CSMD1: variants seen among roughly 807,000 people sequenced by gnomAD.
CSMD1 encodes the protein CUB and sushi domain-containing protein 1.
Under a neutral mutation model 417.5 loss-of-function variants are expected in CSMD1, and 213 were observed. That is an observed-to-expected ratio of 0.51 (90% CI 0.46 to 0.57). The LOEUF is 0.57. Among genes scored for constraint, CSMD1 ranks in the 20% least tolerant of loss-of-function variants. The probability of loss-of-function intolerance (pLI) is 0.00; values close to 1 mark genes in which losing one functional copy is unlikely to be tolerated. For synonymous variants in CSMD1, 2,862 were observed against 1,736.8 expected (o/e 1.65, Z -16.11); for missense variants, 6,923 against 4,529.7 (o/e 1.53, Z -15.17).
chr8:4,104,866 A>T (rs1801488969), intron 3 of CSMD1, among the ~76,000 whole-genome samples: 1 of 152,184 alleles, frequency 6.6e-6, no homozygotes, highest in Non-Finnish European at 1.5e-5. Flanking sequence ...TTACATTTTT[A>T]GGTATTACTT....
At chr8:3,814,948 C>A (rs2929496) in intron 5 of CSMD1, among the ~76,000 whole-genome samples, 36,852 of 151,876 alleles carry the variant, frequency 0.24, 5,164 homozygotes, top group Non-Finnish European at 0.32. Context: ...TCAGCCATCC[C>A]AAAAAAATGA....
intron 3 of CSMD1, among the ~76,000 whole-genome samples, chr8:4,181,081 C>G (rs868070829): frequency 6.6e-6 from 1 of 152,028 alleles, no homozygotes; most frequent in East Asian, 1.9e-4. Flanking sequence ...GGACAACAGA[C>G]CTATTGAACA....
intron 3 of CSMD1, among the ~76,000 whole-genome samples, chr8:4,206,456 A>T (rs1799987844): frequency 6.6e-6 from 1 of 151,582 alleles, no homozygotes; most frequent in South Asian, 2.1e-4. Flanking sequence ...TGTCCTTGTG[A>T]TAGTTTGCTC....
chr8:4,292,594 A>G (rs925801825), intron 3 of CSMD1, among the ~76,000 whole-genome samples: 5 of 152,126 alleles, frequency 3.3e-5, no homozygotes, highest in South Asian at 4.1e-4. Flanking sequence ...ACAACCCACT[A>G]TAAGATTAAT....
At chr8:4,022,299 G>C (rs1393486900) in intron 4 of CSMD1, among the ~76,000 whole-genome samples, 1 of 151,732 alleles carries the variant, frequency 6.6e-6, no homozygotes, top group South Asian at 2.1e-4. Context: ...TTCAGACAAG[G>C]AAGAGAAGTA....
chr8:4,583,615 G>T (rs1428139182), intron 2 of CSMD1, among the ~76,000 whole-genome samples: 1 of 151,906 alleles, frequency 6.6e-6, no homozygotes, highest in African/African-American at 2.4e-5. Flanking sequence ...GTATCTAGCT[G>T]CTCTGGTGGG....
intron 1 of CSMD1, among the ~76,000 whole-genome samples, chr8:4,988,952 C>T (rs1811322224): frequency 6.6e-6 from 1 of 152,088 alleles, no homozygotes; most frequent in Admixed American, 6.5e-5. Flanking sequence ...CGTTACTTAC[C>T]AACCTCAGTA....
chr8:3,233,705 C>T (rs1798984528), intron 26 of CSMD1, among the ~76,000 whole-genome samples: 1 of 152,006 alleles, frequency 6.6e-6, no homozygotes, highest in Non-Finnish European at 1.5e-5. Flanking sequence ...TCCAATTTCT[C>T]ATGTAAACTA....
intron 2 of CSMD1, among the ~76,000 whole-genome samples, chr8:4,528,685 T>G (rs779292838): frequency 1.3e-5 from 2 of 152,166 alleles, no homozygotes; most frequent in Non-Finnish European, 2.9e-5. Context: ...CCACAAACTC[T>G]CCAATGTATA....
At chr8:3,376,541 T>C (rs564890424) in intron 18 of CSMD1, among the ~76,000 whole-genome samples, 32 of 152,226 alleles carry the variant, frequency 2.1e-4, no homozygotes, top group African/African-American at 7.2e-4. Flanking sequence ...AAATGTGCAG[T>C]TGAACTACTT....
At chr8:3,393,983 T>TACA (rs1563342098) in intron 17 of CSMD1, among the ~76,000 whole-genome samples, 1 of 11,964 alleles carries the variant, frequency 8.4e-5, no homozygotes, top group African/African-American at 2.3e-4. Flanking sequence ...GAACTTAACG[T>TACA]ATAATAATAA....
chr8:4,107,323 G>C (rs1171525532), intron 3 of CSMD1, among the ~76,000 whole-genome samples: 1 of 152,132 alleles, frequency 6.6e-6, no homozygotes, highest in East Asian at 1.9e-4. Flanking sequence ...AAATAGAGAG[G>C]ATTTCCATTC....
intron 5 of CSMD1, among the ~76,000 whole-genome samples, chr8:3,783,627 T>C (rs1799298500): frequency 6.6e-6 from 1 of 152,220 alleles, no homozygotes; most frequent in Non-Finnish European, 1.5e-5. Context: ...TGGATGCAGC[T>C]GGTTCTTCTG....
At chr8:4,622,127 C>A (rs183021203) in intron 2 of CSMD1, among the ~76,000 whole-genome samples, 1 of 136,608 alleles carries the variant, frequency 7.3e-6, no homozygotes, top group South Asian at 2.3e-4. Flanking sequence ...GTATGAAGAA[C>A]GATTAATTTA....
chr8:3,188,458 T>C, intron 35 of CSMD1, among the ~76,000 whole-genome samples: 1 of 151,546 alleles, frequency 6.6e-6, no homozygotes. Context: ...AGGCGTATAC[T>C]ACCATGCCTG....
chr8:3,566,648 A>C (rs1484562256), intron 10 of CSMD1, among the ~76,000 whole-genome samples: 1 of 152,196 alleles, frequency 6.6e-6, no homozygotes, highest in African/African-American at 2.4e-5. Flanking sequence ...AAAAGAATAT[A>C]TACATTCAGC....
At chr8:3,598,388 A>C (rs1299868126) in intron 8 of CSMD1, 1 of 152,134 alleles carries the variant, frequency 6.6e-6, no homozygotes, top group Non-Finnish European at 1.5e-5. Flanking sequence ...CTTAATGCTC[A>C]CGTCAGTCTC....
At chr8:3,276,542 G>T (rs756382234) in intron 26 of CSMD1, among the ~76,000 whole-genome samples, 1 of 152,130 alleles carries the variant, frequency 6.6e-6, no homozygotes, top group African/African-American at 2.4e-5. Flanking sequence ...GCAGAAGAAA[G>T]ACCTGCTCCC....
At chr8:3,753,665 T>C (rs1425184175) in intron 6 of CSMD1, among the ~76,000 whole-genome samples, 1 of 152,204 alleles carries the variant, frequency 6.6e-6, no homozygotes, top group African/African-American at 2.4e-5. Context: ...TTAAAATCAA[T>C]GATAATAAAT....
Sources: gnomAD v4.1 joint callset for allele counts (sites outside exome capture counted in the v4.1 genomes callset) on GRCh38, gnomAD v4.1.1 for gene constraint, MANE v1.5 for transcripts, NCBI Gene and HGNC (gene_info 2026-07-23, HGNC 2026-07-21) for gene names.